SLC35E2B: variants seen among roughly 807,000 people sequenced by gnomAD.
The protein encoded by SLC35E2B is solute carrier family 35 member E2B.
SLC35E2B carries 18 observed loss-of-function variants against 32.4 expected under a neutral mutation model. That is an observed-to-expected ratio of 0.56 (90% CI 0.38 to 0.82). The LOEUF (loss-of-function observed/expected upper bound fraction) is 0.82. SLC35E2B is among the 40% of genes least tolerant of loss of function. The pLI, the probability that SLC35E2B is intolerant of heterozygous loss-of-function variation, is 0.00. For missense variants in SLC35E2B, 263 were observed against 469.5 expected, an observed-to-expected ratio of 0.56 and a Z score of 4.06; for synonymous variants, 132 against 209.1, an observed-to-expected ratio of 0.63 and a Z score of 3.18.
Position 1,664,828 on chromosome 1 carries a change from G to A in SLC35E2B, c.*954C>T, listed in dbSNP as rs546546470. The A allele has an allele frequency of 1.7e-4, 155 of 907,432 alleles. 7 individuals are homozygous for A. Among genetic ancestry groups the A allele is most frequent in the Non-Finnish European group, 2.0e-4 (151 of 764,328 alleles). The allele number at this position is 907,432 out of a possible 1,614,324, so 56.2% of individuals were successfully genotyped here. On this transcript the variant is annotated 3_prime_UTR_variant, in exon 10 of 10. Coordinates refer to ENST00000617444, the MANE Select transcript of SLC35E2B (RefSeq NM_001290264.2). ...CTGCAGCGTCCTGCCCAAGGCTCAC[G>A]TGGGGAACCGGACAGGTGCTAGATG...
At chr1:1,680,418 A>G (rs566743566) in intron 2 of SLC35E2B, among the ~76,000 whole-genome samples, 1 of 152,330 alleles carries the variant, frequency 6.6e-6, no homozygotes, top group South Asian at 2.1e-4. Flanking sequence ...ATCACTGCAC[A>G]GCAGCCCACT....
chr1:1,681,325 G>A (rs1643897961), intron 2 of SLC35E2B, among the ~76,000 whole-genome samples: 1 of 151,818 alleles, frequency 6.6e-6, no homozygotes, highest in African/African-American at 2.4e-5. Flanking sequence ...AGCCTCTGAA[G>A]TAGCTGGGAC....
intron 2 of SLC35E2B, among the ~76,000 whole-genome samples, chr1:1,681,298 C>T (rs538883525): frequency 1.3e-5 from 2 of 150,200 alleles, no homozygotes; most frequent in African/African-American, 4.9e-5. Context: ...CCTGGGTTCA[C>T]ACCATTCTCC....
At chr1:1,669,054 A>G (rs1435766227) in intron 8 of SLC35E2B, among the ~76,000 whole-genome samples, 5 of 152,124 alleles carry the variant, frequency 3.3e-5, no homozygotes, top group Admixed American at 3.3e-4. Context: ...ACTGCTGGGT[A>G]TACACGCACA....
At chr1:1,687,468 G>T (rs1357543413) in intron 2 of SLC35E2B, among the ~76,000 whole-genome samples, 1 of 151,680 alleles carries the variant, frequency 6.6e-6, no homozygotes, top group Non-Finnish European at 1.5e-5. Context: ...GGCCGGGCGT[G>T]GTGGCTCACG....
intron 2 of SLC35E2B, among the ~76,000 whole-genome samples, chr1:1,688,008 G>A (rs1344447153): frequency 1.3e-5 from 2 of 152,110 alleles, no homozygotes; most frequent in Non-Finnish European, 2.9e-5. Flanking sequence ...GACACCAGAG[G>A]AGCGGTCATG....
intron 2 of SLC35E2B, among the ~76,000 whole-genome samples, chr1:1,681,909 C>A (rs1405852653): frequency 2.1e-5 from 3 of 140,904 alleles, no homozygotes; most frequent in African/African-American, 5.2e-5. Context: ...GGTGTGAACC[C>A]GGGAGGTGGA....
chr1:1,668,558 C>T lies in SLC35E2B; in HGVS notation c.835-86G>A, dbSNP rs1279167523. 6.2e-6 allele frequency: 10 copies of T among 1,610,412 alleles called. No homozygotes were observed. The Admixed American group carries it at 1.7e-4, about 27-fold the overall frequency. On this transcript the variant is annotated intron_variant, in intron 8 of 9. Coordinates refer to ENST00000617444, the MANE Select transcript of SLC35E2B (RefSeq NM_001290264.2). ...CAAAAACGCCCAGCGCCACTCCTGC[C>T]CAGAAACTGGGTAAAGCTGCTGCCA... is the stretch of plus-strand genomic sequence containing the variant.
chr1:1,677,631 C>T lies in SLC35E2B; in HGVS notation c.-147-785G>A, dbSNP rs139581921. On this transcript the variant is annotated intron_variant, in intron 2 of 9. Coordinates refer to ENST00000617444, the MANE Select transcript of SLC35E2B (RefSeq NM_001290264.2). ...TAGCTGGGACGACAGGCGTCCGCCA[C>T]CACGTCCGGCTAATTTTTTGTAATT... is the stretch of plus-strand genomic sequence containing the variant. 2.4e-3 allele frequency among the ~76,000 whole-genome samples: 372 copies of T among 151,936 alleles called. 5 individuals are homozygous for T. In the East Asian group the frequency reaches 0.054, roughly 22 times the overall value.
At chr1:1,685,458 G>A (rs1643939466) in intron 2 of SLC35E2B, among the ~76,000 whole-genome samples, 2 of 151,418 alleles carry the variant, frequency 1.3e-5, no homozygotes, top group Admixed American at 1.3e-4. Context: ...ATACAGGAAG[G>A]ATATACCCAA....
intron 2 of SLC35E2B, among the ~76,000 whole-genome samples, chr1:1,680,139 A>AT (rs1037755407): frequency 2.0e-5 from 3 of 150,808 alleles, no homozygotes; most frequent in East Asian, 1.9e-4. Flanking sequence ...AAAAAAAAAA[A>AT]TTTTTTTTTA....
chr1:1,677,694 G>T (rs1468270949), intron 2 of SLC35E2B, among the ~76,000 whole-genome samples: 1 of 150,992 alleles, frequency 6.6e-6, no homozygotes, highest in African/African-American at 2.4e-5. Flanking sequence ...CACCGTGTTA[G>T]CCAGGATGGT....
chr1:1,671,351 G>A (rs577705935), intron 6 of SLC35E2B, 158 bp downstream of exon 6: 97 of 810,434 alleles, frequency 1.2e-4, no homozygotes, highest in African/African-American at 2.7e-4. Flanking sequence ...CTTACCTGCC[G>A]GGGATACCTG....
In SLC35E2B at chr1:1,663,837, T is replaced by C. The variant is rs1419183192; in HGVS notation, c.*1945A>G. 3.3e-6 allele frequency: 3 copies of C among 912,694 alleles called. 1 individual carries two copies. The East Asian group carries it at 3.5e-4, about 105-fold the overall frequency. 56.5% of individuals were successfully genotyped at this position (912,694 alleles called of 1,614,324 possible). On this transcript the variant is annotated 3_prime_UTR_variant, in exon 10 of 10. Transcript: ENST00000617444. ...CCGGGGAAAGTCACGTGACAAAACATCTTCGCAGCGCAGTGAGCACACACC... is the reference window on the plus strand; with the variant it reads ...CCGGGGAAAGTCACGTGACAAAACACCTTCGCAGCGCAGTGAGCACACACC...
intron 2 of SLC35E2B, among the ~76,000 whole-genome samples, chr1:1,684,690 T>G (rs1433758678): frequency 1.4e-5 from 2 of 146,094 alleles, no homozygotes; most frequent in African/African-American, 5.1e-5. Context: ...CTTGGCAGGC[T>G]GAGGCAGAAG....
Position 1,664,519 on chromosome 1 carries a change from C to T in SLC35E2B, c.*1263G>A, listed in dbSNP as rs1214714874. ...ACCGGGCATGGGAATCCGCCAGCTG[C>T]GAGATTGGGGGTAAAGAGCTCAGAC... On this transcript the variant is annotated 3_prime_UTR_variant, in exon 10 of 10. Coordinates refer to ENST00000617444, the MANE Select transcript of SLC35E2B (RefSeq NM_001290264.2). 17 of 915,702 alleles carry T rather than the reference C, an allele frequency of 1.9e-5. 3 individuals are homozygous for T. In the Middle Eastern group the frequency reaches 2.2e-3, roughly 117 times the overall value. The allele number at this position is 915,702 out of a possible 1,614,324, so 56.7% of individuals were successfully genotyped here. A position where few individuals can be genotyped will look rare whatever the true frequency, so the allele number is the denominator to read the frequency against.
rs1274875468 is a variant in SLC35E2B, at chr1:1,663,017, T to C, written c.*2765A>G. ...GTGCCCGGCTGTGCTGGGAATGCCA[T>C]GAAGACCAGCGGCTGGAAACTGACT... On this transcript the variant is annotated 3_prime_UTR_variant, in exon 10 of 10. Coordinates refer to ENST00000617444, the MANE Select transcript of SLC35E2B (RefSeq NM_001290264.2). 3 of 948,594 alleles carry C rather than the reference T, an allele frequency of 3.2e-6. No individual in the cohort carries two copies. The highest frequency in any genetic ancestry group is 1.1e-4 in the East Asian group (1 of 8,756). 58.8% of individuals were successfully genotyped at this position (948,594 alleles called of 1,614,324 possible).
intron 2 of SLC35E2B, among the ~76,000 whole-genome samples, chr1:1,684,325 T>C (rs115334697): frequency 0.016 from 2,390 of 152,192 alleles, 30 homozygotes; most frequent in Non-Finnish European, 0.026. Flanking sequence ...CCACCGGAAG[T>C]GAGAGAGAGG....
Position 1,662,814 on chromosome 1 carries a change from A to AGACCAC in SLC35E2B, c.*2962_*2967dup. On this transcript the variant is annotated 3_prime_UTR_variant, in exon 10 of 10. Transcript: ENST00000617444. Reference sequence around the variant, plus strand: ...GTGTTCTGTTCGTTTACAAAAGCACAGACCACGACCATGGACACACCCAGT... The same window carrying AGACCAC: ...GTGTTCTGTTCGTTTACAAAAGCACAGACCACGACCACGACCATGGACACACCCAGT... The AGACCAC allele has an allele frequency of 2.5e-6, 2 of 809,810 alleles. No homozygotes were observed. Among genetic ancestry groups the AGACCAC allele is most frequent in the African/African-American group, 3.5e-5 (2 of 56,468 alleles). The allele number at this position is 809,810 out of a possible 1,614,324, so 50.2% of individuals were successfully genotyped here. A position where few individuals can be genotyped will look rare whatever the true frequency, so the allele number is the denominator to read the frequency against.
Sources: allele counts gnomAD v4.1 joint callset (sites outside exome capture counted in the v4.1 genomes callset), GRCh38; gene constraint gnomAD v4.1.1; transcripts MANE v1.5; gene names NCBI Gene and HGNC (gene_info 2026-07-23, HGNC 2026-07-21).